ARHGAP42: variants seen among roughly 807,000 people sequenced by gnomAD.
ARHGAP42 encodes the protein Rho GTPase activating protein 42.
ARHGAP42 carries 63 observed loss-of-function variants against 125.0 expected under a neutral mutation model. That is an observed-to-expected ratio of 0.50 (90% CI 0.41 to 0.62). The LOEUF (loss-of-function observed/expected upper bound fraction) is 0.62, where lower values mean the gene tolerates loss of function less well. ARHGAP42 is among the 20% of genes least tolerant of loss of function. The probability of loss-of-function intolerance (pLI) is 0.00; values close to 1 mark genes in which losing one functional copy is unlikely to be tolerated. For synonymous variants in ARHGAP42, 339 were observed against 351.0 expected (o/e 0.97, Z 0.38); for missense variants, 766 against 1,024.2 (o/e 0.75, Z 3.44).
chr11:100,980,649 C>T (rs1428690458), intron 22 of ARHGAP42, among the ~76,000 whole-genome samples: 1 of 137,920 alleles, frequency 7.3e-6, no homozygotes, highest in Non-Finnish European at 1.5e-5. Flanking sequence ...TGGCTCACTG[C>T]AGCCTCTGCC....
chr11:100,797,497 C>T (rs1473473039), intron 3 of ARHGAP42, among the ~76,000 whole-genome samples: 1 of 151,930 alleles, frequency 6.6e-6, no homozygotes, highest in Non-Finnish European at 1.5e-5. Context: ...CTAAATCTAC[C>T]CTGTCTGGGC....
At chr11:100,860,064 T>C (rs776795074) in intron 4 of ARHGAP42, among the ~76,000 whole-genome samples, 1 of 152,198 alleles carries the variant, frequency 6.6e-6, no homozygotes, top group Non-Finnish European at 1.5e-5. Flanking sequence ...TTTTTGTTAA[T>C]GTTTAATTGA....
chr11:100,725,386 G>A (rs1185990718), intron 1 of ARHGAP42, among the ~76,000 whole-genome samples: 1 of 151,666 alleles, frequency 6.6e-6, no homozygotes. Flanking sequence ...GGTCAGGCTG[G>A]TCTTGAACTC....
rs371021046 is a variant in ARHGAP42, at chr11:100,973,135, A to G, written c.1551-40A>G. 25 of 1,459,122 alleles carry G rather than the reference A, an allele frequency of 1.7e-5. No individual in the cohort carries two copies. The East Asian group carries it at 3.3e-4, about 19-fold the overall frequency. 90.4% of individuals were successfully genotyped at this position (1,459,122 alleles called of 1,614,324 possible). On this transcript the variant is annotated intron_variant, in intron 17 of 23. Coordinates refer to ENST00000298815, the MANE Select transcript of ARHGAP42 (RefSeq NM_152432.4). ...GAAGAGACTATTTCATAATTTTGAA[A>G]CATATAACTTAAGATATTTTTGTTG...
intron 21 of ARHGAP42, among the ~76,000 whole-genome samples, chr11:100,977,471 G>A (rs1364050790): frequency 1.3e-5 from 2 of 152,156 alleles, no homozygotes; most frequent in African/African-American, 4.8e-5. Flanking sequence ...GCAAAAGTGG[G>A]TACTTCTCAT....
chr11:100,817,770 A>G (rs1450061720), intron 3 of ARHGAP42, among the ~76,000 whole-genome samples: 5 of 152,332 alleles, frequency 3.3e-5, no homozygotes. Context: ...TAATGCCTAT[A>G]GGTGGCAGAA....
At chr11:100,915,854 TC>T (rs1184152922) in intron 5 of ARHGAP42, among the ~76,000 whole-genome samples, 2 of 152,080 alleles carry the variant, frequency 1.3e-5, no homozygotes, top group East Asian at 1.9e-4. Flanking sequence ...TAGCTTGGGT[TC>T]CCCCCTCCCT....
chr11:100,842,676 C>T (rs368879732), intron 3 of ARHGAP42, among the ~76,000 whole-genome samples: 6 of 152,144 alleles, frequency 3.9e-5, no homozygotes, highest in Admixed American at 2.6e-4. Flanking sequence ...CCCTTCAAAA[C>T]CATGCAAATA....
intron 2 of ARHGAP42, among the ~76,000 whole-genome samples, chr11:100,775,532 T>A (rs1863098584): frequency 6.6e-6 from 1 of 152,178 alleles, no homozygotes; most frequent in African/African-American, 2.4e-5. Context: ...CCTTAAAACC[T>A]TACTGATAGG....
At chr11:100,846,373 T>C (rs1865065220) in intron 3 of ARHGAP42, among the ~76,000 whole-genome samples, 1 of 152,106 alleles carries the variant, frequency 6.6e-6, no homozygotes, top group Non-Finnish European at 1.5e-5. Context: ...AGACTGAAAC[T>C]GATATATGAA....
chr11:100,853,293 A>T (rs1003239339), intron 3 of ARHGAP42, among the ~76,000 whole-genome samples: 1 of 152,164 alleles, frequency 6.6e-6, no homozygotes, highest in Non-Finnish European at 1.5e-5. Flanking sequence ...TTAGCCTCCA[A>T]TATTAAAGGG....
intron 3 of ARHGAP42, among the ~76,000 whole-genome samples, chr11:100,812,134 C>T (rs554797319): frequency 6.6e-6 from 1 of 152,056 alleles, no homozygotes; most frequent in Non-Finnish European, 1.5e-5. Context: ...AATGAGCCTT[C>T]ATATAGTGAA....
rs984681602 is a variant in ARHGAP42, at chr11:100,944,667, G to A, written c.1043+799G>A. On this transcript the variant is annotated intron_variant, in intron 10 of 23. Coordinates refer to ENST00000298815, the MANE Select transcript of ARHGAP42 (RefSeq NM_152432.4). Reference sequence around the variant, plus strand: ...AGTCACAGAAATTTCTGAGTTTCTCGGTGCATATAAAAGTTATGTTTATGC... The same window carrying A: ...AGTCACAGAAATTTCTGAGTTTCTCAGTGCATATAAAAGTTATGTTTATGC... 4.0e-5 allele frequency among the ~76,000 whole-genome samples: 6 copies of A among 151,774 alleles called. No homozygotes were observed. In the East Asian group the frequency reaches 9.7e-4, roughly 25 times the overall value.
At chr11:100,860,263 A>T (rs979742474) in intron 4 of ARHGAP42, among the ~76,000 whole-genome samples, 2 of 152,038 alleles carry the variant, frequency 1.3e-5, no homozygotes, top group Non-Finnish European at 2.9e-5. Flanking sequence ...CTTTTAGTCA[A>T]TGTCGTATCC....
At chr11:100,718,578 G>C (rs1198286563) in intron 1 of ARHGAP42, among the ~76,000 whole-genome samples, 1 of 152,096 alleles carries the variant, frequency 6.6e-6, no homozygotes, top group Non-Finnish European at 1.5e-5. Flanking sequence ...ACCACGAATA[G>C]AAAAATTAAA....
At chr11:100,980,499 A>G (rs1450525994) in intron 22 of ARHGAP42, among the ~76,000 whole-genome samples, 1 of 150,774 alleles carries the variant, frequency 6.6e-6, no homozygotes, top group Non-Finnish European at 1.5e-5. Context: ...TCAGAAAGCT[A>G]TCATATAATA....
intron 1 of ARHGAP42, among the ~76,000 whole-genome samples, chr11:100,746,891 A>G (rs533594626): frequency 6.6e-6 from 1 of 152,316 alleles, no homozygotes; most frequent in Non-Finnish European, 1.5e-5. Context: ...GGATCGATCC[A>G]GGAAAAATGG....
intron 4 of ARHGAP42, among the ~76,000 whole-genome samples, chr11:100,908,527 T>A (rs1254163282): frequency 1.3e-5 from 2 of 152,204 alleles, no homozygotes; most frequent in Non-Finnish European, 2.9e-5. Flanking sequence ...TTTCTTAGGA[T>A]AATGGCCCCC....
intron 2 of ARHGAP42, among the ~76,000 whole-genome samples, chr11:100,789,618 G>A (rs1250236562): frequency 6.6e-6 from 1 of 152,218 alleles, no homozygotes; most frequent in East Asian, 1.9e-4. Flanking sequence ...GCTCACGTGA[G>A]TGATCACCTA....
Sources: gnomAD v4.1 joint callset for allele counts (sites outside exome capture counted in the v4.1 genomes callset) on GRCh38, gnomAD v4.1.1 for gene constraint, MANE v1.5 for transcripts, NCBI Gene and HGNC (gene_info 2026-07-23, HGNC 2026-07-21) for gene names.